Variants in CTTNBP2 observed in about 807,000 individuals in gnomAD.
CTTNBP2 encodes the protein cortactin-binding protein 2.
In CTTNBP2, 108 loss-of-function variants were observed where a neutral mutation model predicts 156.9. The ratio of observed to expected loss-of-function variants is 0.69; its 90% CI spans 0.59 to 0.81. The LOEUF (loss-of-function observed/expected upper bound fraction) is 0.81, where lower values mean the gene tolerates loss of function less well. Among genes scored for constraint, CTTNBP2 ranks in the 30% least tolerant of loss-of-function variants. CTTNBP2 has a pLI of 0.00. For missense variants in CTTNBP2, 1,924 were observed against 2,035.4 expected (o/e 0.95, Z 1.05); for synonymous variants, 767 against 751.8 (o/e 1.02, Z -0.33).
intron 2 of CTTNBP2, among the ~76,000 whole-genome samples, chr7:117,831,149 G>A (rs1025533150): frequency 3.9e-5 from 6 of 152,236 alleles, no homozygotes; most frequent in East Asian, 1.9e-4. Context: ...CAACTCTGTC[G>A]TTATCCAGGA....
chr7:117,814,853 T>C (rs1393915676), intron 2 of CTTNBP2, among the ~76,000 whole-genome samples: 1 of 152,266 alleles, frequency 6.6e-6, no homozygotes, highest in Non-Finnish European at 1.5e-5. Context: ...TAACTAGCTA[T>C]GCAACTGTGT....
At chr7:117,737,622 G>A (rs968230044) in intron 14 of CTTNBP2, among the ~76,000 whole-genome samples, 2 of 152,156 alleles carry the variant, frequency 1.3e-5, no homozygotes, top group East Asian at 1.9e-4. Flanking sequence ...TGCCCAGGCT[G>A]GAGTGCAGTG....
chr7:117,738,450 C>T (rs1432047007), intron 14 of CTTNBP2, among the ~76,000 whole-genome samples: 3 of 152,106 alleles, frequency 2.0e-5, no homozygotes, highest in Non-Finnish European at 4.4e-5. Flanking sequence ...AACACACCTC[C>T]TAGACTCTTA....
intron 22 of CTTNBP2, among the ~76,000 whole-genome samples, chr7:117,716,193 A>AACTTT (rs148150566): frequency 1.1e-4 from 14 of 124,006 alleles, no homozygotes; most frequent in Admixed American, 1.6e-4. Flanking sequence ...TTTAAAAAAT[A>AACTTT]TCTTAAACAA....
intron 2 of CTTNBP2, among the ~76,000 whole-genome samples, chr7:117,811,435 G>A (rs1384951899): frequency 1.3e-5 from 2 of 151,894 alleles, no homozygotes; most frequent in Non-Finnish European, 2.9e-5. Flanking sequence ...CTTATAGCTG[G>A]AACTATAGGT....
intron 3 of CTTNBP2, among the ~76,000 whole-genome samples, chr7:117,804,693 T>C (rs1417109928): frequency 6.6e-6 from 1 of 152,196 alleles, no homozygotes; most frequent in African/African-American, 2.4e-5. Flanking sequence ...CACTGCATGT[T>C]CTCACTTATA....
intron 3 of CTTNBP2, among the ~76,000 whole-genome samples, chr7:117,808,385 T>G (rs1172754014): frequency 6.6e-6 from 1 of 152,128 alleles, no homozygotes; most frequent in Non-Finnish European, 1.5e-5. Flanking sequence ...TGATTACTCA[T>G]TAGCTTATTC....
chr7:117,851,071 C>A (rs907419640), intron 2 of CTTNBP2, among the ~76,000 whole-genome samples: 7 of 152,074 alleles, frequency 4.6e-5, no homozygotes, highest in Admixed American at 2.0e-4. Context: ...ACAGAAATTG[C>A]ATTAGGAGCA....
chr7:117,747,603 TC>T (rs899056070), intron 12 of CTTNBP2, among the ~76,000 whole-genome samples: 10 of 152,268 alleles, frequency 6.6e-5, no homozygotes, highest in Admixed American at 6.5e-4. Flanking sequence ...TGAAACCCCA[TC>T]TCCACTAAAA....
chr7:117,848,882 G>A (rs952678970), intron 2 of CTTNBP2, among the ~76,000 whole-genome samples: 10 of 152,266 alleles, frequency 6.6e-5, no homozygotes, highest in South Asian at 4.1e-4. Flanking sequence ...AGAGGTGTAC[G>A]TGAATAATTA....
chr7:117,790,232 G>T (rs368221920), intron 4 of CTTNBP2, among the ~76,000 whole-genome samples: 145 of 152,290 alleles, frequency 9.5e-4, no homozygotes, highest in African/African-American at 3.3e-3. Context: ...CATGGACTTT[G>T]CAGTTAGTCA....
chr7:117,827,036 T>C (rs1801331037), intron 2 of CTTNBP2, among the ~76,000 whole-genome samples: 1 of 151,948 alleles, frequency 6.6e-6, no homozygotes, highest in Admixed American at 6.6e-5. Context: ...TTTTCATAAT[T>C]TTAGCACAGA....
intron 4 of CTTNBP2, among the ~76,000 whole-genome samples, chr7:117,788,878 T>C (rs927941970): frequency 1.3e-5 from 2 of 152,158 alleles, no homozygotes; most frequent in Non-Finnish European, 2.9e-5. Context: ...CCAAAAGTAA[T>C]TCAGAAGTTC....
intron 8 of CTTNBP2, among the ~76,000 whole-genome samples, chr7:117,768,139 C>G (rs1797596466): frequency 1.3e-5 from 2 of 151,980 alleles, no homozygotes; most frequent in African/African-American, 4.8e-5. Flanking sequence ...ATGGGGCTGT[C>G]TTGCAGTTCT....
At chr7:117,737,747 T>G (rs1441114978) in intron 14 of CTTNBP2, among the ~76,000 whole-genome samples, 1 of 152,014 alleles carries the variant, frequency 6.6e-6, no homozygotes, top group Non-Finnish European at 1.5e-5. Context: ...TACAAAATTT[T>G]TTTTTGTATT....
intron 2 of CTTNBP2, among the ~76,000 whole-genome samples, chr7:117,829,311 G>A (rs1042266897): frequency 1.1e-4 from 16 of 152,190 alleles, no homozygotes; most frequent in Admixed American, 5.9e-4. Context: ...TATTCATAGA[G>A]AACAAAGGAT....
Position 117,840,339 on chromosome 7 carries a change from C to T in CTTNBP2, c.189+20870G>A, listed in dbSNP as rs35674960. 9.3e-4 allele frequency among the ~76,000 whole-genome samples: 142 copies of T among 151,946 alleles called. 1 individual carries two copies. The highest frequency in any genetic ancestry group is 3.2e-3 in the African/African-American group (131 of 41,422). ...AGCATCCCTAGCATCAAGTTGGGGT[C>T]AGGCAAATAATAGAATCTTAAAAAA... is the stretch of plus-strand genomic sequence containing the variant. On this transcript the variant is annotated intron_variant, in intron 2 of 22. Transcript: ENST00000160373.
intron 2 of CTTNBP2, among the ~76,000 whole-genome samples, chr7:117,830,216 A>G (rs955827668): frequency 6.6e-6 from 1 of 152,228 alleles, no homozygotes; most frequent in African/African-American, 2.4e-5. Flanking sequence ...TAGATTTTTA[A>G]AATACATGCA....
intron 2 of CTTNBP2, among the ~76,000 whole-genome samples, chr7:117,819,932 T>G (rs1020472959): frequency 3.3e-5 from 5 of 152,202 alleles, no homozygotes; most frequent in African/African-American, 1.2e-4. Context: ...ACCACCAATT[T>G]TCTCTCAAAG....
Sources: allele counts gnomAD v4.1 joint callset (sites outside exome capture counted in the v4.1 genomes callset), GRCh38; gene constraint gnomAD v4.1.1; transcripts MANE v1.5; gene names NCBI Gene and HGNC (gene_info 2026-07-23, HGNC 2026-07-21).